SRRM3: variants seen among roughly 807,000 people sequenced by gnomAD.
SRRM3 encodes the protein serine/arginine repetitive matrix protein 3.
SRRM3 carries 27 observed loss-of-function variants against 66.2 expected under a neutral mutation model. That is an observed-to-expected ratio of 0.41 (90% CI 0.30 to 0.56). The LOEUF (loss-of-function observed/expected upper bound fraction) is 0.56, where lower values mean the gene tolerates loss of function less well. Ranked by LOEUF, SRRM3 falls within the 20% of genes least tolerant of loss-of-function variation. The pLI, the probability that SRRM3 is intolerant of heterozygous loss-of-function variation, is 0.32. For missense variants in SRRM3, 918 were observed against 991.9 expected (o/e 0.93, Z 1.00); for synonymous variants, 391 against 414.9 (o/e 0.94, Z 0.70).
In SRRM3 at chr7:76,281,457, C is replaced by G; in HGVS notation, c.1025C>G (p.Ser342Trp). The G allele has an allele frequency of 8.1e-7, 1 of 1,235,476 alleles. No individual in the cohort carries two copies. The allele number at this position is 1,235,476 out of a possible 1,614,324, so 76.5% of individuals were successfully genotyped here. Residue 342 changes from serine to tryptophan, a missense_variant, in exon 12 of 15, where the codon TCG becomes TGG. Coordinates refer to ENST00000611745, the MANE Select transcript of SRRM3 (RefSeq NM_001110199.3). ...CCCCGTCAGAAGCCCAGCTCGCCCT[C>G]GCCCAGGGTCCGTGACAAGGCGGCG... ...HSPPDKPSSP[S>W]PRVRDKAAAA...
intron 1 of SRRM3, among the ~76,000 whole-genome samples, chr7:76,227,456 C>G (rs185422195): frequency 1.7e-3 from 257 of 152,282 alleles, no homozygotes; most frequent in Middle Eastern, 3.4e-3. Flanking sequence ...AGCTGCCTCC[C>G]CCATCCCACA....
In SRRM3 at chr7:76,281,655, G is replaced by T; in HGVS notation, c.1223G>T (p.Arg408Leu). ...SSASAPRRRG[R>L]RRPRPAPPRG... ...GCGTCCGCGCCCCGCCGCAGGGGTC[G>T]CCGGCGCCCCCGGCCCGCGCCCCCC... Residue 408 changes from arginine to leucine, a missense_variant, in exon 12 of 15, where the codon CGC becomes CTC. Coordinates refer to ENST00000611745, the MANE Select transcript of SRRM3 (RefSeq NM_001110199.3). 3.1e-6 allele frequency: 3 copies of T among 976,706 alleles called. No individual in the cohort carries two copies. The highest frequency in any genetic ancestry group is 3.6e-6 in the Non-Finnish European group (3 of 824,312). The allele number at this position is 976,706 out of a possible 1,614,324, so 60.5% of individuals were successfully genotyped here.
chr7:76,250,280 G>A (rs1303721764), intron 3 of SRRM3, among the ~76,000 whole-genome samples: 2 of 151,956 alleles, frequency 1.3e-5, no homozygotes, highest in Non-Finnish European at 1.5e-5. Context: ...CACTCAGGCT[G>A]GAGTGCAGTG....
Position 76,248,275 on chromosome 7 carries a change from G to C in SRRM3, c.321G>C (p.Arg107=). 2 of 1,613,292 alleles carry C rather than the reference G, an allele frequency of 1.2e-6. No individual in the cohort carries two copies. The highest frequency in any genetic ancestry group is 2.2e-5 in the South Asian group (2 of 90,962). The change falls in exon 3 of 15, where the codon CGG becomes CGC. Residue 107 remains arginine (R), a synonymous_variant. Coordinates refer to ENST00000611745, the MANE Select transcript of SRRM3 (RefSeq NM_001110199.3). ...EKEGVLTRED[R]PGGHIVAETP... is the part of the protein sequence containing the mutation. ...AGGGAGTGCTCACCAGGGAGGACCG[G>C]CCTGGGGGCCACATGTGAGTGCTTA...
intron 8 of SRRM3, 123 bp from the exon 9 acceptor site, chr7:76,264,642 A>T (rs1430395572): frequency 2.0e-6 from 2 of 990,962 alleles, no homozygotes; most frequent in Non-Finnish European, 1.5e-6. Context: ...CCCGCCAGCC[A>T]TGGGGCTTAG....
At chr7:76,216,739 G>A (rs1333338913) in intron 1 of SRRM3, among the ~76,000 whole-genome samples, 2 of 152,224 alleles carry the variant, frequency 1.3e-5, no homozygotes, top group African/African-American at 4.8e-5. Flanking sequence ...GACATGGAGA[G>A]TGAATGTGGG....
chr7:76,222,861 C>T (rs1800761181), intron 1 of SRRM3, among the ~76,000 whole-genome samples: 1 of 152,100 alleles, frequency 6.6e-6, no homozygotes, highest in Non-Finnish European at 1.5e-5. Flanking sequence ...AATGATTCTC[C>T]TGGCTCAGCC....
intron 2 of SRRM3, among the ~76,000 whole-genome samples, chr7:76,235,741 T>C (rs4728618): frequency 0.37 from 55,390 of 150,926 alleles, 12,068 homozygotes; most frequent in East Asian, 0.6. Flanking sequence ...CGCGGTGTCT[T>C]ACACCTGTAA....
chr7:76,262,680 G>T (rs1259389354), intron 8 of SRRM3, among the ~76,000 whole-genome samples: 1 of 152,050 alleles, frequency 6.6e-6, no homozygotes, highest in Non-Finnish European at 1.5e-5. Context: ...TCTGGGCATG[G>T]TGGCGGGTGC....
chr7:76,248,518 G>C (rs1801497135), intron 3 of SRRM3, among the ~76,000 whole-genome samples: 1 of 152,124 alleles, frequency 6.6e-6, no homozygotes, highest in Non-Finnish European at 1.5e-5. Context: ...TACCCTCCCT[G>C]GGTCCTACCT....
chr7:76,267,121 T>G, intron 10 of SRRM3, 137 bp from the exon 11 acceptor site: 1 of 810,400 alleles, frequency 1.2e-6, no homozygotes, highest in Non-Finnish European at 1.7e-6. Flanking sequence ...AGTGGAAAGG[T>G]TCCCAGCATG....
intron 1 of SRRM3, among the ~76,000 whole-genome samples, chr7:76,213,349 C>T (rs868941934): frequency 6.6e-6 from 1 of 152,048 alleles, no homozygotes; most frequent in Admixed American, 6.6e-5. Context: ...CTTTCCAACT[C>T]ATTTGGTATT....
chr7:76,204,478 T>C (rs1800246788), intron 1 of SRRM3, among the ~76,000 whole-genome samples: 1 of 152,154 alleles, frequency 6.6e-6, no homozygotes, highest in Non-Finnish European at 1.5e-5. Flanking sequence ...GATGGGACTT[T>C]CCCAAAGTCA....
chr7:76,250,990 G>A (rs573669339), intron 3 of SRRM3, among the ~76,000 whole-genome samples: 2 of 152,244 alleles, frequency 1.3e-5, no homozygotes, highest in South Asian at 4.1e-4. Context: ...TGGACTCCCC[G>A]CCCTCCTCCC....
At chr7:76,204,898 C>T (rs533634563) in intron 1 of SRRM3, among the ~76,000 whole-genome samples, 4 of 152,196 alleles carry the variant, frequency 2.6e-5, no homozygotes, top group South Asian at 2.1e-4. Flanking sequence ...CATAGTGAGA[C>T]CCCATCTCTA....
At chr7:76,258,607 G>A (rs921298944) in intron 3 of SRRM3, among the ~76,000 whole-genome samples, 3 of 151,516 alleles carry the variant, frequency 2.0e-5, no homozygotes, top group African/African-American at 4.8e-5. Context: ...CCAGCTACTC[G>A]GGAGGCTGAG....
At chr7:76,225,683 C>A (rs1186406252) in intron 1 of SRRM3, among the ~76,000 whole-genome samples, 1 of 152,070 alleles carries the variant, frequency 6.6e-6, no homozygotes, top group East Asian at 1.9e-4. Flanking sequence ...GAGTTTGAGA[C>A]CAGCCTGGGC....
At chr7:76,254,971 C>A (rs1237343786) in intron 3 of SRRM3, among the ~76,000 whole-genome samples, 2 of 151,944 alleles carry the variant, frequency 1.3e-5, no homozygotes, top group African/African-American at 4.8e-5. Flanking sequence ...TGAGCCTCTC[C>A]TCTGTCACCC....
intron 1 of SRRM3, among the ~76,000 whole-genome samples, chr7:76,204,567 A>C (rs1367888690): frequency 6.6e-6 from 1 of 152,078 alleles, no homozygotes; most frequent in African/African-American, 2.4e-5. Context: ...TCTGCCCCCG[A>C]TTCTCCAGGC....
Sources: allele counts gnomAD v4.1 joint callset (sites outside exome capture counted in the v4.1 genomes callset), GRCh38; gene constraint gnomAD v4.1.1; transcripts MANE v1.5; gene names NCBI Gene and HGNC (gene_info 2026-07-23, HGNC 2026-07-21).